FAM83A: variants seen among roughly 807,000 people sequenced by gnomAD.
The protein encoded by FAM83A is protein FAM83A.
FAM83A carries 21 observed loss-of-function variants against 24.4 expected under a neutral mutation model. The observed-to-expected ratio is 0.86, with a 90% CI of 0.61 to 1.24. The LOEUF is 1.24. FAM83A is among the 50% of genes most tolerant of loss of function. The probability of loss-of-function intolerance (pLI) is 0.00; values close to 1 mark genes in which losing one functional copy is unlikely to be tolerated. For synonymous variants in FAM83A, 270 were observed against 252.4 expected, an observed-to-expected ratio of 1.07 and a Z score of -0.66; for missense variants, 617 against 579.8, an observed-to-expected ratio of 1.06 and a Z score of -0.66.
At chr8:123,194,486 C>CTT (rs71573674) in intron 3 of FAM83A, among the ~76,000 whole-genome samples, 24,366 of 140,328 alleles carry the variant, frequency 0.17, 2,303 homozygotes, top group Admixed American at 0.23. Context: ...CATCCCATTG[C>CTT]TTTTTTTTTT....
chr8:123,198,277 G>A (rs748764102), intron 3 of FAM83A, among the ~76,000 whole-genome samples: 16 of 152,056 alleles, frequency 1.1e-4, no homozygotes, highest in Admixed American at 5.9e-4. Flanking sequence ...TTTGAGAAAC[G>A]TTACGCCCTC....
rs1374999041 is a variant in FAM83A, at chr8:123,209,504, C to T, written c.*1816C>T. 1.2e-6 allele frequency: 2 copies of T among 1,614,164 alleles called. No individual in the cohort carries two copies. Among genetic ancestry groups the T allele is most frequent in the East Asian group, 2.2e-5 (1 of 44,892 alleles). ...TTCCTGATGGCTTTCTGAACCCAGC[C>T]CTGACCTTGTTGTTTCACAGCTGAC... On this transcript the variant is annotated 3_prime_UTR_variant, in exon 4 of 4. Coordinates refer to ENST00000690554, the Ensembl canonical transcript of FAM83A. This position sits in a 1 kb window ranked among gnomAD's most constrained non-coding sequence, Gnocchi z 4.7.
intron 3 of FAM83A, among the ~76,000 whole-genome samples, chr8:123,200,247 A>G (rs1184091251): frequency 6.6e-6 from 1 of 152,212 alleles, no homozygotes; most frequent in Non-Finnish European, 1.5e-5. Flanking sequence ...CTGCTTGTGG[A>G]GTCAGAGGAC....
At chr8:123,207,093 CT>C in intron 3 of FAM83A, 63 bp from the exon 4 acceptor site, 1 of 881,742 alleles carries the variant, frequency 1.1e-6, no homozygotes, top group South Asian at 3.1e-5. Flanking sequence ...CCCCCTCCTC[CT>C]CCACTTCCCC....
At chr8:123,179,871 G>A (rs1007104135), upstream of FAM83A, 1 of 152,178 alleles carries the variant, frequency 6.6e-6, no homozygotes, top group African/African-American at 2.4e-5. Context: ...ATTAGTTCCA[G>A]GTGAAAGGAG....
At chr8:123,184,929 C>T (rs570363029) in intron 1 of FAM83A, among the ~76,000 whole-genome samples, 1 of 152,282 alleles carries the variant, frequency 6.6e-6, no homozygotes. Context: ...AAGTTCAATA[C>T]CGTGTGAAAT....
chr8:123,196,555 C>G (rs542288462), intron 3 of FAM83A, among the ~76,000 whole-genome samples: 1 of 152,020 alleles, frequency 6.6e-6, no homozygotes, highest in Non-Finnish European at 1.5e-5. Flanking sequence ...TTACTCTTTT[C>G]TTTTAATGGG....
At chr8:123,187,169 G>T (rs531217390) in intron 1 of FAM83A, among the ~76,000 whole-genome samples, 47 of 152,324 alleles carry the variant, frequency 3.1e-4, no homozygotes, top group African/African-American at 1.1e-3. Context: ...GAGGGCCCAT[G>T]TGTCTTGGAG....
chr8:123,185,307 G>A (rs894562534), intron 1 of FAM83A, among the ~76,000 whole-genome samples: 15 of 152,186 alleles, frequency 9.9e-5, no homozygotes, highest in South Asian at 6.2e-4. Context: ...GTGCTCTCCC[G>A]AGGGGTGGGG....
chr8:123,209,892 G>C lies in FAM83A; in HGVS notation c.*2204G>C, dbSNP rs937008297. 1 of 264,174 alleles carries C rather than the reference G, an allele frequency of 3.8e-6. No homozygotes were observed. Among genetic ancestry groups the C allele is most frequent in the African/African-American group, 2.1e-5 (1 of 46,668 alleles). 16.4% of individuals were successfully genotyped at this position (264,174 alleles called of 1,614,324 possible). A position where few individuals can be genotyped will look rare whatever the true frequency, so the allele number is the denominator to read the frequency against. ...CGAGTGGAGCATGAGCAGAACCGCC[G>C]AGGGTCACTTCTGGGCAGAAGCTTT... On this transcript the variant is annotated 3_prime_UTR_variant, in exon 4 of 4. Transcript: ENST00000690554. The surrounding 1 kb of genome is among the most constrained non-coding windows in gnomAD (Gnocchi z 4.7).
rs1394231342 is a variant in FAM83A, at chr8:123,187,120, G to A, written c.480+3784G>A. ...AGAGAAGGAAGGGAAAGGAATTCCA[G>A]GCCTAAGGAGGGTCACATGCGAAAG... On this transcript the variant is annotated intron_variant, in intron 1 of 3. Transcript: ENST00000690554. Among the ~76,000 whole-genome samples the A allele has an allele frequency of 3.3e-5, 5 of 152,300 alleles. 1 individual carries two copies. The highest frequency in any genetic ancestry group is 3.3e-4 in the Admixed American group (5 of 15,296).
rs2131114705 is a variant in FAM83A at position 123,208,368 on chromosome 8, G to A, written c.*680G>A. 3.0e-6 allele frequency: 3 copies of A among 985,664 alleles called. No individual in the cohort carries two copies. In the South Asian group the frequency reaches 1.4e-4, roughly 46 times the overall value. 61.1% of individuals were successfully genotyped at this position (985,664 alleles called of 1,614,324 possible). ...TTGGGGTGTTGGGTTGGACAAGGCA[G>A]GTTAGTAGACTCAGATTCTTGCTTC... On this transcript the variant is annotated 3_prime_UTR_variant, in exon 4 of 4. Transcript: ENST00000690554.
chr8:123,187,661 G>A (rs896685670), intron 1 of FAM83A, among the ~76,000 whole-genome samples: 7 of 152,078 alleles, frequency 4.6e-5, no homozygotes, highest in Admixed American at 3.9e-4. Context: ...ACCAATAGCT[G>A]TAACCCACAC....
chr8:123,184,579 A>G (rs907376092), intron 1 of FAM83A, among the ~76,000 whole-genome samples: 2 of 80,724 alleles, frequency 2.5e-5, no homozygotes, highest in African/African-American at 5.0e-5. Flanking sequence ...AGTTCTCCCA[A>G]TGCCCCGAGA....
intron 1 of FAM83A, among the ~76,000 whole-genome samples, chr8:123,190,780 T>C (rs1438339192): frequency 1.3e-5 from 2 of 152,188 alleles, no homozygotes; most frequent in Non-Finnish European, 2.9e-5. Flanking sequence ...GCTGGGACTC[T>C]GTCTCTACCT....
intron 1 of FAM83A, among the ~76,000 whole-genome samples, chr8:123,188,779 G>A (rs367870766): frequency 6.6e-6 from 1 of 152,302 alleles, no homozygotes; most frequent in East Asian, 1.9e-4. Context: ...CACCGTGCCT[G>A]GCCTTCAACC....
chr8:123,197,319 C>T (rs886468076), intron 3 of FAM83A, among the ~76,000 whole-genome samples: 3 of 152,234 alleles, frequency 2.0e-5, no homozygotes, highest in Non-Finnish European at 2.9e-5. Context: ...GCAGTTCACA[C>T]CTTCCTTCCC....
At chr8:123,179,309 G>A (rs1823539570), upstream of FAM83A, 1 of 152,106 alleles carries the variant, frequency 6.6e-6, no homozygotes, top group African/African-American at 2.4e-5. Context: ...ATTATCATGG[G>A]AGCGGGTTTG....
exon 4 of FAM83A, chr8:123,207,493 G>A (rs1185197126): frequency 1.3e-6 from 2 of 1,582,654 alleles, no homozygotes; most frequent in Non-Finnish European, 8.6e-7. Context: ...CCCGGTTCCA[G>A]CCCCACCAAG....
Sources: gnomAD v4.1 joint callset for allele counts (sites outside exome capture counted in the v4.1 genomes callset) on GRCh38, gnomAD v4.1.1 for gene constraint, Gnocchi (gnomAD v3.1) non-coding constraint, MANE v1.5 for transcripts, NCBI Gene and HGNC (gene_info 2026-07-23, HGNC 2026-07-21) for gene names.